Variants in RRP15 observed in about 807,000 individuals in gnomAD.
RRP15 encodes the protein RRP15-like protein.
Under a neutral mutation model 27.1 loss-of-function variants are expected in RRP15, and 18 were observed. That is an observed-to-expected ratio of 0.66 (90% CI 0.46 to 0.98). RRP15 has a LOEUF of 0.98. Among genes scored for constraint, RRP15 ranks in the 50% least tolerant of loss-of-function variants. The pLI, the probability that RRP15 is intolerant of heterozygous loss-of-function variation, is 0.00. For missense variants in RRP15, 359 were observed against 337.8 expected, an observed-to-expected ratio of 1.06 and a Z score of -0.49; for synonymous variants, 107 against 109.4, an observed-to-expected ratio of 0.98 and a Z score of 0.14.
rs1656384345 is a variant in RRP15 at position 218,332,262 on chromosome 1, T to G, written c.*1171T>G. The G allele has an allele frequency of 6.6e-6, 1 of 152,190 alleles. No individual in the cohort carries two copies. Among genetic ancestry groups the G allele is most frequent in the African/African-American group, 2.4e-5 (1 of 41,452 alleles). The allele number at this position is 152,190 out of a possible 1,614,324, so 9.4% of individuals were successfully genotyped here. On this transcript the variant is annotated 3_prime_UTR_variant, in exon 5 of 5. Coordinates refer to ENST00000366932, the MANE Select transcript of RRP15 (RefSeq NM_016052.4). ...AGACAACAAGTAATCTGCAGCAGAATATTGCATCCAATTTGAGACTTGATT... is the reference window on the plus strand; with the variant it reads ...AGACAACAAGTAATCTGCAGCAGAAGATTGCATCCAATTTGAGACTTGATT...
chr1:218,300,889 A>G (rs990588637), intron 1 of RRP15, among the ~76,000 whole-genome samples: 1 of 152,196 alleles, frequency 6.6e-6, no homozygotes, highest in Non-Finnish European at 1.5e-5. Flanking sequence ...CTCTGCATTT[A>G]AGTGAAGGTT....
chr1:218,322,700 T>A (rs1656205677), intron 4 of RRP15, among the ~76,000 whole-genome samples: 1 of 152,216 alleles, frequency 6.6e-6, no homozygotes, highest in African/African-American at 2.4e-5. Context: ...CTAGTCCTGC[T>A]GGCATTTATA....
At chr1:218,307,688 T>G in intron 4 of RRP15, 56 bp downstream of exon 4, 1 of 1,185,036 alleles carries the variant, frequency 8.4e-7, no homozygotes, top group Non-Finnish European at 1.2e-6. Context: ...AAAACTAGTC[T>G]TGAGATGGAA....
rs1402956625 is a variant in RRP15 at position 218,334,891 on chromosome 1, C to G, written c.*3800C>G. On this transcript the variant is annotated 3_prime_UTR_variant, in exon 5 of 5. Transcript: ENST00000366932. ...ATTTTGGCCAGCTGGGTATTTGAAT[C>G]TTACTGACTGTTGCAGCACTGGTAG... The G allele has an allele frequency of 6.6e-6, 1 of 152,196 alleles. No homozygotes were observed. The highest frequency in any genetic ancestry group is 1.5e-5 in the Non-Finnish European group (1 of 68,032). The allele number at this position is 152,196 out of a possible 1,614,324, so 9.4% of individuals were successfully genotyped here.
intron 1 of RRP15, among the ~76,000 whole-genome samples, chr1:218,296,543 G>A (rs979834648): frequency 6.6e-6 from 1 of 151,822 alleles, no homozygotes; most frequent in African/African-American, 2.4e-5. Context: ...CTACTTGGGA[G>A]GCTGAAAGGA....
At chr1:218,300,543 G>T (rs1655796670) in intron 1 of RRP15, among the ~76,000 whole-genome samples, 2 of 152,258 alleles carry the variant, frequency 1.3e-5, no homozygotes, top group Non-Finnish European at 2.9e-5. Context: ...ATGGCTTAAA[G>T]TCAAGAGAGT....
At chr1:218,326,921 C>T (rs1656283707) in intron 4 of RRP15, among the ~76,000 whole-genome samples, 1 of 152,126 alleles carries the variant, frequency 6.6e-6, no homozygotes, top group South Asian at 2.1e-4. Flanking sequence ...TTGGTTCTTC[C>T]ACTTCAACCC....
chr1:218,311,826 A>G (rs1656000086), intron 4 of RRP15, among the ~76,000 whole-genome samples: 1 of 152,206 alleles, frequency 6.6e-6, no homozygotes. Flanking sequence ...GGCTTCCAAT[A>G]TTTGGAAAAG....
intron 1 of RRP15, among the ~76,000 whole-genome samples, chr1:218,289,677 G>A (rs965774572): frequency 1.3e-5 from 2 of 152,048 alleles, no homozygotes; most frequent in East Asian, 1.9e-4. Flanking sequence ...GTTCTTGCCC[G>A]CATCTCTCTC....
At chr1:218,327,365 G>C (rs192320653) in intron 4 of RRP15, among the ~76,000 whole-genome samples, 1 of 152,298 alleles carries the variant, frequency 6.6e-6, no homozygotes, top group African/African-American at 2.4e-5. Context: ...CTGGAGTGCA[G>C]TGGTGTGATC....
At chr1:218,294,465 A>G (rs1471846101) in intron 1 of RRP15, among the ~76,000 whole-genome samples, 3 of 152,160 alleles carry the variant, frequency 2.0e-5, no homozygotes, top group Admixed American at 1.3e-4. Context: ...AGAGCAACTC[A>G]CAGAACTCAG....
intron 1 of RRP15, among the ~76,000 whole-genome samples, chr1:218,299,405 G>A (rs1655775086): frequency 6.6e-6 from 1 of 152,092 alleles, no homozygotes; most frequent in Admixed American, 6.6e-5. Context: ...TATGCATGTT[G>A]TGGTAGTCAA....
At chr1:218,315,663 G>T (rs1381714909) in intron 4 of RRP15, among the ~76,000 whole-genome samples, 1 of 151,086 alleles carries the variant, frequency 6.6e-6, no homozygotes, top group African/African-American at 2.4e-5. Context: ...ATGTTGGCCA[G>T]GCTGGTCTCC....
chr1:218,324,290 C>T (rs1656236219), intron 4 of RRP15, among the ~76,000 whole-genome samples: 1 of 152,194 alleles, frequency 6.6e-6, no homozygotes, highest in South Asian at 2.1e-4. Flanking sequence ...CAAATGAACC[C>T]GACGCTCTGG....
chr1:218,325,249 AGTT>A (rs922487649), intron 4 of RRP15, among the ~76,000 whole-genome samples: 1 of 152,110 alleles, frequency 6.6e-6, no homozygotes, highest in Admixed American at 6.5e-5. Flanking sequence ...CGTGATGTGT[AGTT>A]GTTATTTTGG....
At chr1:218,328,631 C>A (rs1372032067) in intron 4 of RRP15, among the ~76,000 whole-genome samples, 1 of 152,024 alleles carries the variant, frequency 6.6e-6, no homozygotes, top group Non-Finnish European at 1.5e-5. Flanking sequence ...CCACTGCACT[C>A]CAGCCTGGGC....
intron 4 of RRP15, among the ~76,000 whole-genome samples, chr1:218,326,366 A>G (rs1005258241): frequency 3.3e-5 from 5 of 152,184 alleles, no homozygotes; most frequent in African/African-American, 1.2e-4. Flanking sequence ...TATGGATGCA[A>G]TATATTTTAA....
chr1:218,330,426 C>T (rs1656347233), intron 4 of RRP15, among the ~76,000 whole-genome samples: 1 of 152,126 alleles, frequency 6.6e-6, no homozygotes, highest in Non-Finnish European at 1.5e-5. Context: ...ACATTTGGTT[C>T]AAATTTTTAT....
At chr1:218,295,453 G>C (rs1655704878) in intron 1 of RRP15, among the ~76,000 whole-genome samples, 2 of 152,116 alleles carry the variant, frequency 1.3e-5, no homozygotes, top group African/African-American at 4.8e-5. Context: ...TATCATTTCA[G>C]GTTTTCCAGG....
Sources: allele counts gnomAD v4.1 joint callset (sites outside exome capture counted in the v4.1 genomes callset), GRCh38; gene constraint gnomAD v4.1.1; transcripts MANE v1.5; gene names NCBI Gene and HGNC (gene_info 2026-07-23, HGNC 2026-07-21).